The following TMX3 variants were observed in gnomAD, a reference collection of about 807,000 sequenced individuals.
TMX3 encodes protein disulfide-isomerase TMX3.
In TMX3, 40 loss-of-function variants were observed where a neutral mutation model predicts 64.4. The observed-to-expected ratio is 0.62, with a 90% confidence interval of 0.48 to 0.81. The LOEUF is 0.81. Ranked by LOEUF, TMX3 falls within the 30% of genes least tolerant of loss-of-function variation. TMX3 has a pLI of 0.00. For synonymous variants in TMX3, 189 were observed against 175.7 expected, an observed-to-expected ratio of 1.08 and a Z score of -0.60; for missense variants, 497 against 534.5, an observed-to-expected ratio of 0.93 and a Z score of 0.69.
intron 4 of TMX3, among the ~76,000 whole-genome samples, chr18:68,703,137 C>A (rs1301619039): frequency 6.6e-5 from 10 of 152,140 alleles, no homozygotes; most frequent in African/African-American, 2.4e-4. Flanking sequence ...TTCTTCCCAG[C>A]AAAAACACAG....
At chr18:68,681,623 C>G in intron 13 of TMX3, 1 of 985,382 alleles carries the variant, frequency 1.0e-6, no homozygotes, top group Non-Finnish European at 1.2e-6. Flanking sequence ...AATGTTACTT[C>G]AGATTTGTTA....
At position 68,697,962 on chromosome 18, in the gene TMX3, G is replaced by A. The variant is rs759270816; in HGVS notation, c.462C>T (p.Phe154=). Residue 154 remains phenylalanine, a synonymous_variant, in exon 7 of 16, where the codon TTC becomes TTT. Coordinates refer to ENST00000299608, the MANE Select transcript of TMX3 (RefSeq NM_019022.5). ...EHMQKRHRVF[F]VYVGGESPLK... ...AAGGTGATTCTCCACCTACATAAAC[G>A]AAAAATACACGGTGTCTCTTCTGCA... 4.3e-5 allele frequency: 69 copies of A among 1,611,692 alleles called. No individual in the cohort carries two copies. Among genetic ancestry groups the A allele is most frequent in the Non-Finnish European group, 5.6e-5 (66 of 1,179,432 alleles).
Position 68,677,070 on chromosome 18 carries a change from A to C in TMX3, c.1228T>G (p.Tyr410Asp). ...TCATTTTCACTTTTAGACACTTCAT[A>C]TCGTTCTTCTATATAACCTCCATCT... Reference protein sequence around the residue: ...DTDGGYIEERYEVSKSENENQ... With the variant: ...DTDGGYIEERDEVSKSENENQ... The change falls in exon 16 of 16, where the codon TAT (tyrosine) becomes GAT (aspartate). Residue 410 changes from tyrosine to aspartate, a missense_variant. Physicochemically the swap from Tyr to Asp is radical, Grantham distance 160. Around this residue, in one of 3 missense-constraint regions of TMX3, gnomAD observed 94 missense variants for 75.8 expected, o/e 1.24. Coordinates refer to ENST00000299608, the MANE Select transcript of TMX3 (RefSeq NM_019022.5). 1 of 1,613,748 alleles carries C rather than the reference A, an allele frequency of 6.2e-7. No individual in the cohort carries two copies. The highest frequency in any genetic ancestry group is 8.5e-7 in the Non-Finnish European group (1 of 1,179,764).
chr18:68,685,588 GAC>G (rs887801659), intron 10 of TMX3, among the ~76,000 whole-genome samples: 7 of 152,054 alleles, frequency 4.6e-5, no homozygotes, highest in Non-Finnish European at 8.8e-5. Context: ...GAGAAACACA[GAC>G]ACAGTTTCTC....
rs545908820 is a variant in TMX3 at position 68,690,841 on chromosome 18, G to A, written c.637+454C>T. Among the ~76,000 whole-genome samples the A allele has an allele frequency of 4.6e-5, 7 of 152,248 alleles. No homozygotes were observed. The South Asian group carries it at 1.5e-3, about 32-fold the overall frequency. On this transcript the variant is annotated intron_variant, in intron 9 of 15. Transcript: ENST00000299608. The stretch of plus-strand genomic sequence containing the variant: ...ATTTTAAAAACAGACCAAGCATTAT[G>A]CGTCAATGAAGAAATGCTGAATAGC...
chr18:68,698,009 T>C lies in TMX3; in HGVS notation c.415A>G (p.Ser139Gly), dbSNP rs756126690. 4.3e-6 allele frequency: 7 copies of C among 1,611,622 alleles called. No individual in the cohort carries two copies. The highest frequency in any genetic ancestry group is 5.9e-6 in the Non-Finnish European group (7 of 1,179,610). Residue 139 changes from serine (S) to glycine (G), a missense_variant, in exon 7 of 16, where the codon AGT (serine) becomes GGT (glycine). This residue lies in a region of TMX3 where 360 missense variants were observed against 383.5 expected (regional missense o/e 0.94). Transcript: ENST00000299608. ...TGCATATGTTCAAACATTTGTTGAC[T>C]TGGAAGTGGCCGAATTAGAGCCCTG... is the stretch of plus-strand genomic sequence containing the variant. ...VSGALIRPLP[S>G]QQMFEHMQKR...
At chr18:68,713,418 A>T (rs980199078) in intron 2 of TMX3, among the ~76,000 whole-genome samples, 1 of 152,168 alleles carries the variant, frequency 6.6e-6, no homozygotes, top group Non-Finnish European at 1.5e-5. Context: ...ACCTTCCCCT[A>T]TGCCAGAAAA....
chr18:68,699,950 A>C (rs1176703863), intron 6 of TMX3, among the ~76,000 whole-genome samples: 1 of 152,208 alleles, frequency 6.6e-6, no homozygotes, highest in Non-Finnish European at 1.5e-5. Flanking sequence ...AAGGAAAAAT[A>C]TTTTAGCTGT....
intron 4 of TMX3, among the ~76,000 whole-genome samples, chr18:68,702,057 A>G (rs1167828969): frequency 6.6e-6 from 1 of 151,120 alleles, no homozygotes; most frequent in Admixed American, 6.6e-5. Flanking sequence ...AAAAATTTAT[A>G]AAATACTTAT....
Position 68,691,282 on chromosome 18 carries a change from A to G in TMX3, c.637+13T>C. 6.4e-7 allele frequency: 1 copy of G among 1,561,816 alleles called. No homozygotes were observed. Among genetic ancestry groups the G allele is most frequent in the Non-Finnish European group, 8.7e-7 (1 of 1,146,404 alleles). On this transcript the variant is annotated intron_variant, in intron 9 of 15. Transcript: ENST00000299608. Reference sequence around the variant, plus strand: ...TTAAAATGTTTTACATGAGTTAAAGATTTGGAACTTACCATCATAAACAAA... The same window carrying G: ...TTAAAATGTTTTACATGAGTTAAAGGTTTGGAACTTACCATCATAAACAAA...
chr18:68,709,913 T>C lies in TMX3; in HGVS notation c.265+108A>G, dbSNP rs576823798. On this transcript the variant is annotated intron_variant, in intron 4 of 15. Transcript: ENST00000299608. Reference sequence around the variant, plus strand: ...ATACAGTCTTAAATTATTAAGTTAATTGAATTTTACATGAGCAAAAAAAAG... The same window carrying C: ...ATACAGTCTTAAATTATTAAGTTAACTGAATTTTACATGAGCAAAAAAAAG... 13 of 1,055,064 alleles carry C rather than the reference T, an allele frequency of 1.2e-5. No homozygotes were observed. The Admixed American group carries it at 1.8e-4, about 15-fold the overall frequency. The allele number at this position is 1,055,064 out of a possible 1,614,324, so 65.4% of individuals were successfully genotyped here. A position where few individuals can be genotyped will look rare whatever the true frequency, so the allele number is the denominator to read the frequency against.
intron 4 of TMX3, among the ~76,000 whole-genome samples, chr18:68,704,560 T>C (rs1173761953): frequency 1.3e-5 from 2 of 152,188 alleles, no homozygotes; most frequent in Non-Finnish European, 2.9e-5. Context: ...AGAGCAAACA[T>C]TGATTAGGTA....
chr18:68,687,650 G>A lies in TMX3; in HGVS notation c.736+17C>T, dbSNP rs112746383. 1 of 1,596,198 alleles carries A rather than the reference G, an allele frequency of 6.3e-7. No homozygotes were observed. The highest frequency in any genetic ancestry group is 1.4e-5 in the African/African-American group (1 of 73,874). On this transcript the variant is annotated intron_variant, in intron 10 of 15. Transcript: ENST00000299608. ...AAATCATGTAACATAATGGAGACTT[G>A]TACATATGCTTGTTACCTGTGTCTC...
intron 14 of TMX3, among the ~76,000 whole-genome samples, chr18:68,680,060 T>A (rs1358026950): frequency 6.6e-6 from 1 of 152,164 alleles, no homozygotes; most frequent in Non-Finnish European, 1.5e-5. Flanking sequence ...TGCATTCCAC[T>A]AACTTAAAAA....
chr18:68,713,110 T>C (rs1017259547), intron 2 of TMX3, among the ~76,000 whole-genome samples: 1 of 151,572 alleles, frequency 6.6e-6, no homozygotes, highest in Non-Finnish European at 1.5e-5. Context: ...GGAGAATTCA[T>C]CTCATTTCCT....
Position 68,713,883 on chromosome 18 carries a change from C to T in TMX3, c.64G>A (p.Val22Ile). ...LCATVVVLDM[V>I]VCKGFVEDLD... ...TCTTCTACAAATCCTTTACAGACGA[C>T]CATATCAAGTACAACAACTGAAAAA... Residue 22 changes from valine (V) to isoleucine (I), a missense_variant, in exon 2 of 16, where the codon GTC becomes ATC. Coordinates refer to ENST00000299608, the MANE Select transcript of TMX3 (RefSeq NM_019022.5). The T allele has an allele frequency of 6.3e-7, 1 of 1,581,564 alleles. No individual in the cohort carries two copies. The highest frequency in any genetic ancestry group is 8.7e-7 in the Non-Finnish European group (1 of 1,156,066).
chr18:68,675,751 GT>G lies in TMX3; in HGVS notation c.*1181del, dbSNP rs1340799767. ...CCAAACTGTTACTTTAAAAAAAAGAGTTTTTAGACATTGCTTTGGAAAGAAT... is the reference window on the plus strand; with the variant it reads ...CCAAACTGTTACTTTAAAAAAAAGAGTTTTAGACATTGCTTTGGAAAGAAT... On this transcript the variant is annotated 3_prime_UTR_variant, in exon 16 of 16. Transcript: ENST00000299608. The G allele has an allele frequency of 6.6e-6, 1 of 152,102 alleles. No homozygotes were observed. Among genetic ancestry groups the G allele is most frequent in the Non-Finnish European group, 1.5e-5 (1 of 68,006 alleles). 9.4% of individuals were successfully genotyped at this position (152,102 alleles called of 1,614,324 possible).
intron 6 of TMX3, among the ~76,000 whole-genome samples, chr18:68,699,335 A>C (rs1168647354): frequency 6.6e-6 from 1 of 152,096 alleles, no homozygotes; most frequent in Non-Finnish European, 1.5e-5. Flanking sequence ...CTCAAACATA[A>C]TGACTAATAT....
chr18:68,695,515 C>T (rs1336767774), intron 8 of TMX3, among the ~76,000 whole-genome samples: 1 of 152,028 alleles, frequency 6.6e-6, no homozygotes, highest in African/African-American at 2.4e-5. Context: ...GCACTTTTCA[C>T]CCTCCATATT....
Sources: gnomAD v4.1 joint callset for allele counts (sites outside exome capture counted in the v4.1 genomes callset) on GRCh38, gnomAD v4.1.1 for gene constraint, gnomAD v4.1.1 regional missense constraint, MANE v1.5 for transcripts, NCBI Gene and HGNC (gene_info 2026-07-23, HGNC 2026-07-21) for gene names.